PI4K2A: variants seen among roughly 807,000 people sequenced by gnomAD.
The protein encoded by PI4K2A is phosphatidylinositol 4-kinase type 2 alpha.
In PI4K2A, 20 loss-of-function variants were observed where a neutral mutation model predicts 55.0. The observed-to-expected ratio is 0.36, with a 90% CI of 0.26 to 0.53. PI4K2A has a LOEUF of 0.53. PI4K2A is among the 20% of genes least tolerant of loss of function. PI4K2A has a pLI of 0.91. For missense variants in PI4K2A, 463 were observed against 637.1 expected (o/e 0.73, Z 2.94); for synonymous variants, 235 against 258.5 (o/e 0.91, Z 0.87).
chr10:97,650,395 C>A (rs539319046), intron 1 of PI4K2A, among the ~76,000 whole-genome samples: 1 of 149,858 alleles, frequency 6.7e-6, no homozygotes, highest in Admixed American at 6.8e-5. Context: ...GATTCTCATG[C>A]CTCAGCCTCT....
intron 1 of PI4K2A, among the ~76,000 whole-genome samples, chr10:97,643,646 A>G (rs1191990562): frequency 1.3e-5 from 2 of 152,102 alleles, no homozygotes; most frequent in African/African-American, 2.4e-5. Context: ...CCCTGACAAA[A>G]CTTTTTGACG....
exon 9 of PI4K2A, chr10:97,674,010 T>G: frequency 2.3e-6 from 1 of 428,398 alleles, no homozygotes. Context: ...TTCCAGCATC[T>G]GCTGGTAGCA....
At chr10:97,651,228 G>A (rs2041528754) in intron 2 of PI4K2A, 87 bp downstream of exon 2, 3 of 928,460 alleles carry the variant, frequency 3.2e-6, no homozygotes, top group Non-Finnish European at 1.7e-6. Context: ...GGGACCTTGG[G>A]TCCAGTGGGG....
intron 4 of PI4K2A, among the ~76,000 whole-genome samples, chr10:97,660,223 G>C (rs549204343): frequency 2.0e-5 from 3 of 149,346 alleles, no homozygotes; most frequent in Non-Finnish European, 4.4e-5. Flanking sequence ...GGATGGTCTC[G>C]ATCTCCTGAC....
At chr10:97,657,876 C>T (rs2041562902) in intron 4 of PI4K2A, among the ~76,000 whole-genome samples, 1 of 152,066 alleles carries the variant, frequency 6.6e-6, no homozygotes, top group African/African-American at 2.4e-5. Context: ...TGCTCTGTCA[C>T]CTAGGCTGGA....
At chr10:97,642,850 C>CTCT (rs1491531542) in intron 1 of PI4K2A, among the ~76,000 whole-genome samples, 1 of 80,344 alleles carries the variant, frequency 1.2e-5, no homozygotes. Context: ...TTCCTTCCTT[C>CTCT]CTTTCTTTCT....
At chr10:97,660,648 A>T (rs2041577844) in intron 4 of PI4K2A, among the ~76,000 whole-genome samples, 1 of 151,724 alleles carries the variant, frequency 6.6e-6, no homozygotes, top group East Asian at 1.9e-4. Context: ...AGCATAGTTT[A>T]GTTGTATCTT....
chr10:97,644,950 A>G (rs1485287165), intron 1 of PI4K2A, among the ~76,000 whole-genome samples: 4 of 152,044 alleles, frequency 2.6e-5, no homozygotes, highest in South Asian at 2.1e-4. Flanking sequence ...CCATTTCTCA[A>G]TTTTGGATGG....
chr10:97,646,488 AT>A (rs2041505544), intron 1 of PI4K2A, among the ~76,000 whole-genome samples: 1 of 152,174 alleles, frequency 6.6e-6, no homozygotes, highest in African/African-American at 2.4e-5. Flanking sequence ...AAGTACTGGG[AT>A]TACAGGCATG....
intron 5 of PI4K2A, among the ~76,000 whole-genome samples, chr10:97,664,305 C>G (rs992187251): frequency 3.9e-5 from 6 of 152,238 alleles, no homozygotes. Context: ...GTGATTGTCT[C>G]TGACATGGGC....
At chr10:97,651,932 A>T (rs1030614084) in intron 2 of PI4K2A, among the ~76,000 whole-genome samples, 1 of 152,158 alleles carries the variant, frequency 6.6e-6, no homozygotes, top group Non-Finnish European at 1.5e-5. Context: ...ATGTCCGGAC[A>T]CATCATTCAC....
intron 1 of PI4K2A, among the ~76,000 whole-genome samples, chr10:97,646,877 C>T (rs146509857): frequency 0.024 from 3,668 of 152,016 alleles, 100 homozygotes; most frequent in South Asian, 0.074. Flanking sequence ...TGGGTTCAAG[C>T]GATTCTCCCG....
chr10:97,651,072 C>T, exon 2 of PI4K2A: 1 of 1,614,098 alleles, frequency 6.2e-7, no homozygotes, highest in Non-Finnish European at 8.5e-7. Flanking sequence ...TTAACCAGGG[C>T]TATCTCTCAG....
intron 8 of PI4K2A, among the ~76,000 whole-genome samples, chr10:97,672,413 TTAGA>T (rs1589939711): frequency 2.0e-5 from 3 of 152,194 alleles, no homozygotes; most frequent in East Asian, 3.9e-4. Flanking sequence ...TACACTATAG[TTAGA>T]TAGAAAGATA....
At chr10:97,673,797 G>C in exon 9 of PI4K2A, 1 of 1,555,544 alleles carries the variant, frequency 6.4e-7, no homozygotes, top group Non-Finnish European at 8.8e-7. Flanking sequence ...GAAGCCTGGG[G>C]AGTGGGGTGC....
chr10:97,641,104 T>A, exon 1 of PI4K2A: 1 of 1,609,210 alleles, frequency 6.2e-7, no homozygotes, highest in Non-Finnish European at 8.5e-7. Flanking sequence ...GAGCTGGCCA[T>A]CGAGCGCTGC....
At chr10:97,674,122 T>C in exon 9 of PI4K2A, 1 of 165,036 alleles carries the variant, frequency 6.1e-6, no homozygotes, top group Non-Finnish European at 1.3e-5. Flanking sequence ...CTTTAAATGC[T>C]TGTAGCAGAA....
At chr10:97,660,002 C>CTTTTTTTTTTTTTTTTT (rs1206693622) in intron 4 of PI4K2A, among the ~76,000 whole-genome samples, 1 of 137,856 alleles carries the variant, frequency 7.3e-6, no homozygotes, top group Non-Finnish European at 1.6e-5. Context: ...TCTTTCTTTT[C>CTTTTTTTTTTTTTTTTT]TTTTTTTTTT....
intron 1 of PI4K2A, among the ~76,000 whole-genome samples, chr10:97,641,717 C>T (rs754147337): frequency 2.6e-5 from 4 of 152,186 alleles, no homozygotes; most frequent in Non-Finnish European, 5.9e-5. Flanking sequence ...AATGGGCGGA[C>T]TCACCAGTTT....
Sources: gnomAD v4.1 joint callset for allele counts (sites outside exome capture counted in the v4.1 genomes callset) on GRCh38, gnomAD v4.1.1 for gene constraint, MANE v1.5 for transcripts, NCBI Gene and HGNC (gene_info 2026-07-23, HGNC 2026-07-21) for gene names.